GUCY2D: variants seen among roughly 807,000 people sequenced by gnomAD.
GUCY2D encodes the protein guanylate cyclase 2D, retinal, also known as retinal guanylyl cyclase 1.
GUCY2D carries 70 observed loss-of-function variants against 101.3 expected under a neutral mutation model. The observed-to-expected ratio is 0.69, with a 90% CI of 0.57 to 0.84. The LOEUF (loss-of-function observed/expected upper bound fraction) is 0.84. GUCY2D is among the 40% of genes least tolerant of loss of function. The pLI is 0.00. For synonymous variants in GUCY2D, 688 were observed against 670.7 expected (o/e 1.03, Z -0.40); for missense variants, 1,460 against 1,542.5 (o/e 0.95, Z 0.90).
intron 3 of GUCY2D, 30 bp from the exon 4 acceptor site, chr17:8,006,333 G>T: frequency 9.0e-6 from 14 of 1,556,856 alleles, no homozygotes; most frequent in African/African-American, 1.3e-5. Context: ...CTGTGACCCC[G>T]ACCTCTGAGC....
chr17:8,005,387 T>C (rs1178416599), intron 3 of GUCY2D, among the ~76,000 whole-genome samples: 1 of 152,176 alleles, frequency 6.6e-6, no homozygotes, highest in Non-Finnish European at 1.5e-5. Flanking sequence ...CAGTGGCTTC[T>C]GTTGCCCTGG....
Position 8,015,078 on chromosome 17 carries a change from C to T in GUCY2D, c.2769+27C>T, listed in dbSNP as rs542466976. The T allele has an allele frequency of 1.2e-5, 19 of 1,592,974 alleles. No individual in the cohort carries two copies. The African/African-American group carries it at 2.4e-4, about 20-fold the overall frequency. On this transcript the variant is annotated intron_variant, in intron 14 of 19. Coordinates refer to ENST00000254854, the MANE Select transcript of GUCY2D (RefSeq NM_000180.4). ...TGCAGTGTGTAGGGGACAAGCCCTC[C>T]TGACCTTCAATTCAGCTTCACCAGC... is the stretch of plus-strand genomic sequence containing the variant.
Position 8,016,545 on chromosome 17 carries a change from C to T in GUCY2D, c.*15C>T, listed in dbSNP as rs1358429916. ...AGTTCTCTTGAGAAGTGAGGCCCGG[C>T]CCCGGACAGGTACTGCCCCCTCAGC... On this transcript the variant is annotated 3_prime_UTR_variant, in exon 19 of 20. Transcript: ENST00000254854. 6 of 1,519,800 alleles carry T rather than the reference C, an allele frequency of 3.9e-6. No homozygotes were observed. In the South Asian group the frequency reaches 4.8e-5, roughly 12 times the overall value. The allele number at this position is 1,519,800 out of a possible 1,614,324, so 94.1% of individuals were successfully genotyped here. A position where few individuals can be genotyped will look rare whatever the true frequency, so the allele number is the denominator to read the frequency against.
In GUCY2D at chr17:8,016,239, G is replaced by A; in HGVS notation, c.3173G>A (p.Gly1058Asp). The stretch of plus-strand genomic sequence containing the variant: ...GCCGAGGACACTTTCTGGCTAGTGG[G>A]CAGACGCGGCTTCAACAAGCCCATC... ...KGAEDTFWLVGRRGFNKPIPK... is the reference protein window; with the variant it reads ...KGAEDTFWLVDRRGFNKPIPK... Residue 1058 changes from glycine (G) to aspartate (D), a missense_variant, in exon 18 of 20, where the codon GGC becomes GAC. This residue lies in a region of GUCY2D where 215 missense variants were observed against 227.9 expected (regional missense o/e 0.94). Coordinates refer to ENST00000254854, the MANE Select transcript of GUCY2D (RefSeq NM_000180.4). The A allele has an allele frequency of 1.3e-6, 2 of 1,590,280 alleles. No individual in the cohort carries two copies. Among genetic ancestry groups the A allele is most frequent in the Non-Finnish European group, 1.7e-6 (2 of 1,168,844 alleles).
chr17:8,016,678 C>T (rs1459042492), intron 19 of GUCY2D, 124 bp downstream of exon 19: 6 of 604,752 alleles, frequency 9.9e-6, no homozygotes, highest in African/African-American at 9.3e-5. Context: ...TCCTAAACCC[C>T]GGGGCTTCCC....
Position 8,015,463 on chromosome 17 carries a change from C to T in GUCY2D, c.2905C>T (p.Pro969Ser), listed in dbSNP as rs1975948433. The change falls in exon 15 of 20, where the codon CCT becomes TCT. Residue 969 changes from proline to serine, a missense_variant. By Grantham distance (74) the Pro-to-Ser change is moderately conservative (BLOSUM62 -1). This residue lies in a region of GUCY2D where 215 missense variants were observed against 227.9 expected (regional missense o/e 0.94). Transcript: ENST00000254854. ...AVGTFRMRHMPEVPVRIRIGL... is the reference protein window; with the variant it reads ...AVGTFRMRHMSEVPVRIRIGL... ...GGGCACTTTCCGCATGCGCCATATG[C>T]CTGAGGTTCCCGTGCGCATCCGCAT... 4 of 1,613,484 alleles carry T rather than the reference C, an allele frequency of 2.5e-6. No homozygotes were observed. In the African/African-American group the frequency reaches 4.0e-5, roughly 16 times the overall value.
At chr17:8,015,638 T>TG (rs1333007327) in intron 15 of GUCY2D, 105 bp from the exon 16 acceptor site, 6 of 1,183,046 alleles carry the variant, frequency 5.1e-6, no homozygotes, top group Non-Finnish European at 4.9e-6. Context: ...AAGGCTTATT[T>TG]GGGGGGCTGG....
At chr17:8,009,694 GC>G in intron 8 of GUCY2D, 108 bp downstream of exon 8, 1 of 784,094 alleles carries the variant, frequency 1.3e-6, no homozygotes, top group South Asian at 1.4e-5. Flanking sequence ...GTCCCCTCTG[GC>G]TGAGTGTGGT....
chr17:8,003,638 G>A lies in GUCY2D; in HGVS notation c.591G>A (p.Ala197=), dbSNP rs1460265846. Residue 197 remains alanine (A), a synonymous_variant, in exon 2 of 20, where the codon GCG becomes GCA. Transcript: ENST00000254854. ...VTAPQDLWVE[A]GRSLSTALRA... is the part of the protein sequence containing the mutation. Reference sequence around the variant, plus strand: ...CCCCCCAGGACCTGTGGGTGGAGGCGGGACGCTCACTGTCCACGGCACTCA... The same window carrying A: ...CCCCCCAGGACCTGTGGGTGGAGGCAGGACGCTCACTGTCCACGGCACTCA... The A allele has an allele frequency of 1.3e-6, 2 of 1,593,568 alleles. No individual in the cohort carries two copies.
rs1026156091 is a variant in GUCY2D, at chr17:8,014,022, C to T, written c.2406C>T (p.Phe802=). 10 of 1,612,846 alleles carry T rather than the reference C, an allele frequency of 6.2e-6. No homozygotes were observed. Among genetic ancestry groups the T allele is most frequent in the Non-Finnish European group, 8.5e-6 (10 of 1,179,802 alleles). ...TTCGGCCCTCCATGGACCACACCTT[C>T]GACCTGGTCAGGGGCTGGGAGTGGG... The part of the protein sequence containing the change: ...PELRPSMDHT[F]DLFKNINKGR... The change falls in exon 12 of 20, where the codon TTC becomes TTT. Residue 802 remains phenylalanine (F), a synonymous_variant. Transcript: ENST00000254854. This position sits in a 1 kb window ranked among gnomAD's most constrained non-coding sequence, Gnocchi z 4.0.
chr17:8,018,380 A>C (rs1976014710), intron 19 of GUCY2D, among the ~76,000 whole-genome samples: 1 of 152,130 alleles, frequency 6.6e-6, no homozygotes, highest in Non-Finnish European at 1.5e-5. Flanking sequence ...TCTGCATTTT[A>C]ACAAGTTCCT....
chr17:8,003,589 GGGCGC>G lies in GUCY2D; in HGVS notation c.544_548del (p.Ala182ArgfsTer135). On this transcript the variant is annotated frameshift_variant, in exon 2 of 20. Transcript: ENST00000254854. LOFTEE classifies it high-confidence loss of function. ...TACGCCCTGCTTCGCGCATTCGGCT[GGGCGC>G]GCGTGGCCCTGGTCACCGCCCCCCA... The G allele has an allele frequency of 1.9e-6, 3 of 1,585,494 alleles. No homozygotes were observed. Among genetic ancestry groups the G allele is most frequent in the Non-Finnish European group, 2.6e-6 (3 of 1,172,480 alleles).
In GUCY2D at chr17:8,013,945, C is replaced by A. The variant is rs1211934880; in HGVS notation, c.2329C>A (p.Pro777Thr). 1 of 1,613,558 alleles carries A rather than the reference C, an allele frequency of 6.2e-7. No individual in the cohort carries two copies. The highest frequency in any genetic ancestry group is 1.7e-5 in the Admixed American group (1 of 60,032). Residue 777 changes from proline to threonine, a missense_variant, in exon 12 of 20, where the codon CCT (proline) becomes ACT (threonine). Pro to Thr is a conservative substitution (Grantham distance 38, BLOSUM62 -1). Around this residue, in one of 3 missense-constraint regions of GUCY2D, gnomAD observed 1,196 missense variants for 1,229.6 expected, o/e 0.97. Transcript: ENST00000254854. The surrounding 1 kb of genome is among the most constrained non-coding windows in gnomAD (Gnocchi z 5.0). ...GCCCTTGGTGTCCATGGACCAGGCA[C>A]CTGTCGAGTGTATCCTCCTGATGAA... ...CRPLVSMDQAPVECILLMKQC... is the reference protein window; with the variant it reads ...CRPLVSMDQATVECILLMKQC...
In GUCY2D at chr17:8,012,365, G is replaced by A. The variant is rs367711120; in HGVS notation, c.1956+15G>A. On this transcript the variant is annotated intron_variant, in intron 9 of 19. Transcript: ENST00000254854. ...ACCTTATCAAGGTGTGTGTCTGGGG[G>A]TGGTGGGGTGACGTCCTGGGGGCAG... 15 of 1,611,122 alleles carry A rather than the reference G, an allele frequency of 9.3e-6. No homozygotes were observed. The African/African-American group carries it at 2.0e-4, about 22-fold the overall frequency.
chr17:8,009,661 A>G, intron 8 of GUCY2D, 75 bp downstream of exon 8: 1 of 973,448 alleles, frequency 1.0e-6, no homozygotes, highest in Non-Finnish European at 1.7e-6. Context: ...GCAGCTGGGT[A>G]CAGAGGTAGG....
At chr17:8,006,763 C>A in intron 4 of GUCY2D, 49 bp downstream of exon 4, 2 of 1,452,598 alleles carry the variant, frequency 1.4e-6, no homozygotes, top group Non-Finnish European at 1.9e-6. Context: ...CATGGACCAT[C>A]CACAAAGTGA....
In GUCY2D at chr17:8,014,736, GAC is replaced by G. The variant is rs1162750599; in HGVS notation, c.2549_2550del (p.Asp850AlafsTer13). The part of the protein sequence containing the change: ...EELELEKQKT[D>X]RLLTQMLPPS... ...GCTGGAGCTGGAAAAGCAGAAGACAGACCGGCTGCTTACACAGATGCTGCCTC... is the reference window on the plus strand; with the variant it reads ...GCTGGAGCTGGAAAAGCAGAAGACAGCGGCTGCTTACACAGATGCTGCCTC... On this transcript the variant is annotated frameshift_variant, in exon 13 of 20. Coordinates refer to ENST00000254854, the MANE Select transcript of GUCY2D (RefSeq NM_000180.4). LOFTEE classifies it high-confidence loss of function. This position sits in a 1 kb window ranked among gnomAD's most constrained non-coding sequence, Gnocchi z 4.0. 9 of 1,516,206 alleles carry G rather than the reference GAC, an allele frequency of 5.9e-6. No homozygotes were observed. The highest frequency in any genetic ancestry group is 7.1e-6 in the Non-Finnish European group (8 of 1,119,564). The allele number at this position is 1,516,206 out of a possible 1,614,324, so 93.9% of individuals were successfully genotyped here.
At chr17:8,012,066 CAAAAACAGATCTT>C (rs1253798943) in intron 8 of GUCY2D, 65 bp from the exon 9 acceptor site, 1 of 1,040,344 alleles carries the variant, frequency 9.6e-7, no homozygotes, top group Non-Finnish European at 1.5e-6. Context: ...TCTGGATACT[CAAAAACAGATCTT>C]GATTAACAGC....
chr17:8,015,352 A>C lies in GUCY2D; in HGVS notation c.2794A>C (p.Met932Leu). The C allele has an allele frequency of 6.2e-7, 1 of 1,609,696 alleles. No homozygotes were observed. The highest frequency in any genetic ancestry group is 8.5e-7 in the Non-Finnish European group (1 of 1,179,954). Residue 932 changes from methionine to leucine, a missense_variant, in exon 15 of 20, where the codon ATG becomes CTG. This residue lies in a region of GUCY2D where 49 missense variants were observed against 85.0 expected (regional missense o/e 0.58). Transcript: ENST00000254854. ...GGTGGAGACAATAGGGGACGCCTAT[A>C]TGGTGGCCTCGGGGCTGCCCCAGCG... ...YKVETIGDAYMVASGLPQRNG... is the reference protein window; with the variant it reads ...YKVETIGDAYLVASGLPQRNG...
Sources: gnomAD v4.1 joint callset for allele counts (sites outside exome capture counted in the v4.1 genomes callset) on GRCh38, gnomAD v4.1.1 for gene constraint, gnomAD v4.1.1 regional missense constraint, Gnocchi (gnomAD v3.1) non-coding constraint, MANE v1.5 for transcripts, NCBI Gene and HGNC (gene_info 2026-07-23, HGNC 2026-07-21) for gene names.